The following SYN3 variants were observed in gnomAD, a reference collection of about 807,000 sequenced individuals.
SYN3 encodes the protein synapsin-3.
A neutral mutation model predicts 65.8 loss-of-function variants in SYN3; 35 were observed. The ratio of observed to expected loss-of-function variants is 0.53; its 90% confidence interval spans 0.41 to 0.70. SYN3 has a LOEUF of 0.70. SYN3 is among the 30% of genes least tolerant of loss of function. The probability of loss-of-function intolerance (pLI) is 0.00; values close to 1 mark genes in which losing one functional copy is unlikely to be tolerated. For missense variants in SYN3, 680 were observed against 749.0 expected (o/e 0.91, Z 1.08); for synonymous variants, 270 against 292.9 (o/e 0.92, Z 0.80).
intron 6 of SYN3, among the ~76,000 whole-genome samples, chr22:32,810,262 T>C (rs1005132767): frequency 2.1e-4 from 32 of 152,202 alleles, no homozygotes; most frequent in African/African-American, 7.7e-4. Context: ...TTAGAGGCCA[T>C]CTGTGTGGCT....
At chr22:32,712,379 T>C (rs73156413) in intron 6 of SYN3, among the ~76,000 whole-genome samples, 1 of 152,222 alleles carries the variant, frequency 6.6e-6, no homozygotes, top group Non-Finnish European at 1.5e-5. Flanking sequence ...CCCCACCAGA[T>C]ACAAGCTTCA....
At chr22:32,845,288 C>T (rs955434756) in intron 6 of SYN3, among the ~76,000 whole-genome samples, 3 of 152,248 alleles carry the variant, frequency 2.0e-5, no homozygotes, top group Admixed American at 6.5e-5. Flanking sequence ...CCTCCACCTC[C>T]TGGGTTCAAG....
intron 2 of SYN3, among the ~76,000 whole-genome samples, chr22:32,986,846 T>G (rs2052541648): frequency 6.6e-6 from 1 of 152,078 alleles, no homozygotes; most frequent in African/African-American, 2.4e-5. Flanking sequence ...AGATTCTCTC[T>G]CCGTGGGTGG....
rs140927341 is a variant in SYN3, at chr22:32,797,631, T to C, written c.711+67284A>G. On this transcript the variant is annotated intron_variant, in intron 6 of 13. Coordinates refer to ENST00000358763, the MANE Select transcript of SYN3 (RefSeq NM_003490.4). ...GGGCTCCACCATAAGCCAGAGCCTG[T>C]CTCTCCTAGGACTTTGGCATCACAA... Among the ~76,000 whole-genome samples the C allele has an allele frequency of 1.9e-4, 29 of 152,274 alleles. 1 individual carries two copies. The East Asian group carries it at 5.2e-3, about 27-fold the overall frequency.
chr22:32,894,106 T>C (rs1369380954), intron 4 of SYN3, among the ~76,000 whole-genome samples: 1 of 152,210 alleles, frequency 6.6e-6, no homozygotes, highest in Non-Finnish European at 1.5e-5. Flanking sequence ...ATTTATCCTC[T>C]GAAAGTCTTC....
chr22:32,908,345 C>G (rs1475242507), intron 4 of SYN3, among the ~76,000 whole-genome samples: 1 of 151,212 alleles, frequency 6.6e-6, no homozygotes, highest in African/African-American at 2.4e-5. Context: ...CTTGGCCTCC[C>G]AAAGTGCTGA....
At chr22:32,718,081 G>T (rs942314135) in intron 6 of SYN3, among the ~76,000 whole-genome samples, 1 of 152,274 alleles carries the variant, frequency 6.6e-6, no homozygotes, top group African/African-American at 2.4e-5. Flanking sequence ...GACTCATAAG[G>T]TTAGTTTACA....
intron 4 of SYN3, among the ~76,000 whole-genome samples, chr22:32,897,684 T>A (rs1027259047): frequency 6.6e-6 from 1 of 152,226 alleles, no homozygotes; most frequent in African/African-American, 2.4e-5. Flanking sequence ...AAAATGAAGA[T>A]CATAATAGCG....
chr22:32,946,614 A>G (rs2051120073), intron 3 of SYN3, among the ~76,000 whole-genome samples: 1 of 152,202 alleles, frequency 6.6e-6, no homozygotes, highest in South Asian at 2.1e-4. Flanking sequence ...TGGGTGCAGC[A>G]CACCAACATG....
chr22:32,962,217 C>T (rs1357994810), intron 3 of SYN3, among the ~76,000 whole-genome samples: 3 of 146,264 alleles, frequency 2.1e-5, no homozygotes, highest in Non-Finnish European at 3.0e-5. Context: ...CTCACTGCAA[C>T]CTTTACCTCC....
At position 32,801,007 on chromosome 22, in the gene SYN3, G is replaced by T. The variant is rs1452251094; in HGVS notation, c.711+63908C>A. 6.6e-6 allele frequency among the ~76,000 whole-genome samples: 1 copy of T among 152,170 alleles called. No individual in the cohort carries two copies. The highest frequency in any genetic ancestry group is 1.5e-5 in the Non-Finnish European group (1 of 68,028). ...ACCCTGTGCATTCATGGATGTCCACGGGGGCAAGGGCTTTGTGTTGCTTAA... is the reference window on the plus strand; with the variant it reads ...ACCCTGTGCATTCATGGATGTCCACTGGGGCAAGGGCTTTGTGTTGCTTAA... On this transcript the variant is annotated intron_variant, in intron 6 of 13. Coordinates refer to ENST00000358763, the MANE Select transcript of SYN3 (RefSeq NM_003490.4). This position sits in a 1 kb window ranked among gnomAD's most constrained non-coding sequence, Gnocchi z 4.7.
intron 6 of SYN3, among the ~76,000 whole-genome samples, chr22:32,842,897 G>C (rs1178539304): frequency 6.6e-6 from 1 of 152,184 alleles, no homozygotes; most frequent in Non-Finnish European, 1.5e-5. Context: ...TGGTGGGTGG[G>C]TGATCAAAGG....
chr22:32,791,665 C>T (rs987474197), intron 6 of SYN3, among the ~76,000 whole-genome samples: 5 of 151,372 alleles, frequency 3.3e-5, no homozygotes, highest in South Asian at 4.2e-4. Flanking sequence ...AATTCCAGCA[C>T]GGCAGCATAC....
At chr22:32,513,977 C>G (rs113234647) in intron 13 of SYN3, among the ~76,000 whole-genome samples, 153 bp from the exon 14 acceptor site, 2 of 152,194 alleles carry the variant, frequency 1.3e-5, no homozygotes, top group Admixed American at 6.5e-5. Flanking sequence ...TACATGATGT[C>G]AGGTACATTA....
chr22:32,803,592 C>G (rs1036281116), intron 6 of SYN3, among the ~76,000 whole-genome samples: 4 of 152,208 alleles, frequency 2.6e-5, no homozygotes, highest in Admixed American at 6.5e-5. Flanking sequence ...TTTTGGGCAG[C>G]CTGAAGACTG....
intron 1 of SYN3, among the ~76,000 whole-genome samples, chr22:33,034,658 C>T (rs2053819979): frequency 6.6e-6 from 1 of 152,126 alleles, no homozygotes; most frequent in African/African-American, 2.4e-5. Flanking sequence ...TACTCAAGCA[C>T]TGAGCGAATT....
chr22:32,986,119 G>C (rs1363669195), intron 2 of SYN3, among the ~76,000 whole-genome samples: 1 of 152,058 alleles, frequency 6.6e-6, no homozygotes, highest in East Asian at 1.9e-4. Flanking sequence ...CAATGAGCTA[G>C]GGCACAGGAC....
chr22:32,673,592 G>T (rs1321026141), intron 6 of SYN3, among the ~76,000 whole-genome samples: 1 of 152,212 alleles, frequency 6.6e-6, no homozygotes, highest in Non-Finnish European at 1.5e-5. Flanking sequence ...TTCCCAGGAG[G>T]GTACCCCATC....
chr22:32,836,992 C>T (rs868528820), intron 6 of SYN3, among the ~76,000 whole-genome samples: 7 of 152,218 alleles, frequency 4.6e-5, no homozygotes, highest in Middle Eastern at 3.2e-3. Flanking sequence ...GCGGGTCTGG[C>T]GTGCAAAGGA....
Sources: allele counts gnomAD v4.1 joint callset (sites outside exome capture counted in the v4.1 genomes callset), GRCh38; gene constraint gnomAD v4.1.1; non-coding constraint Gnocchi (gnomAD v3.1); transcripts MANE v1.5; gene names NCBI Gene and HGNC (gene_info 2026-07-23, HGNC 2026-07-21).